RSBN1L: variants seen among roughly 807,000 people sequenced by gnomAD.
The protein encoded by RSBN1L is round spermatid basic protein 1 like, also known as lysine-specific demethylase RSBN1L.
Under a neutral mutation model 67.7 loss-of-function variants are expected in RSBN1L, and 30 were observed. That is an observed-to-expected ratio of 0.44 (90% confidence interval 0.33 to 0.60). The LOEUF (loss-of-function observed/expected upper bound fraction) is 0.60, where lower values mean the gene tolerates loss of function less well. Among genes scored for constraint, RSBN1L ranks in the 20% least tolerant of loss-of-function variants. The pLI is 0.02. For missense variants in RSBN1L, 992 were observed against 1,031.7 expected, an observed-to-expected ratio of 0.96 and a Z score of 0.53; for synonymous variants, 433 against 387.0, an observed-to-expected ratio of 1.12 and a Z score of -1.39.
intron 1 of RSBN1L, among the ~76,000 whole-genome samples, chr7:77,697,652 TTAAG>T (rs983292457): frequency 6.6e-6 from 1 of 152,172 alleles, no homozygotes; most frequent in African/African-American, 2.4e-5. Context: ...CTGCGTATTC[TTAAG>T]TGTTTTGGGT....
At chr7:77,734,899 A>C (rs2150420429) in intron 1 of RSBN1L, among the ~76,000 whole-genome samples, 1 of 152,296 alleles carries the variant, frequency 6.6e-6, no homozygotes, top group African/African-American at 2.4e-5. Flanking sequence ...CTGTAATCTA[A>C]TTCAGAAGTT....
At chr7:77,754,901 T>G (rs981350345) in intron 3 of RSBN1L, among the ~76,000 whole-genome samples, 9 of 152,142 alleles carry the variant, frequency 5.9e-5, no homozygotes, top group Admixed American at 2.6e-4. Flanking sequence ...AACAAAAGTT[T>G]AGTAATTAGG....
intron 5 of RSBN1L, among the ~76,000 whole-genome samples, chr7:77,772,139 G>A (rs1791857922): frequency 6.6e-6 from 1 of 152,070 alleles, no homozygotes; most frequent in South Asian, 2.1e-4. Flanking sequence ...CTGGCATTGT[G>A]ACACATGTAG....
intron 1 of RSBN1L, among the ~76,000 whole-genome samples, chr7:77,719,796 A>G (rs1321053258): frequency 3.9e-5 from 6 of 152,180 alleles, no homozygotes; most frequent in Non-Finnish European, 7.3e-5. Flanking sequence ...ACAAGGTCTC[A>G]CTCTGTTGCT....
chr7:77,742,508 C>T (rs1161309094), intron 2 of RSBN1L, among the ~76,000 whole-genome samples: 2 of 152,048 alleles, frequency 1.3e-5, no homozygotes, highest in Non-Finnish European at 2.9e-5. Context: ...AACTAAAATT[C>T]CAGACTCCCA....
chr7:77,751,149 T>C (rs1273403353), intron 3 of RSBN1L, among the ~76,000 whole-genome samples: 1 of 121,742 alleles, frequency 8.2e-6, no homozygotes, highest in African/African-American at 3.3e-5. Flanking sequence ...AATAATGTGG[T>C]GTTTTTTTGT....
chr7:77,727,200 G>T (rs1791215934), intron 1 of RSBN1L, among the ~76,000 whole-genome samples: 2 of 151,534 alleles, frequency 1.3e-5, no homozygotes, highest in African/African-American at 4.9e-5. Flanking sequence ...CGATTCTCCT[G>T]CCTCAGCCTC....
chr7:77,736,683 T>C (rs1023500842), intron 2 of RSBN1L, among the ~76,000 whole-genome samples, 157 bp downstream of exon 2: 2 of 152,182 alleles, frequency 1.3e-5, no homozygotes, highest in African/African-American at 2.4e-5. Flanking sequence ...CGGAGAGTTC[T>C]AATCTGTATG....
chr7:77,757,967 T>C (rs1384584453), intron 3 of RSBN1L, among the ~76,000 whole-genome samples: 1 of 151,116 alleles, frequency 6.6e-6, no homozygotes, highest in Admixed American at 6.6e-5. Flanking sequence ...TTATTCATTT[T>C]ACTTTAATTT....
chr7:77,740,559 C>G (rs1355966079), intron 2 of RSBN1L, among the ~76,000 whole-genome samples: 1 of 151,932 alleles, frequency 6.6e-6, no homozygotes, highest in Non-Finnish European at 1.5e-5. Context: ...CTAATTAGTA[C>G]TTTTTTCCTA....
chr7:77,737,821 G>C (rs1791356998), intron 2 of RSBN1L, among the ~76,000 whole-genome samples: 2 of 152,054 alleles, frequency 1.3e-5, no homozygotes, highest in African/African-American at 2.4e-5. Context: ...TCAGGAGTTT[G>C]AGACCAGCCT....
intron 1 of RSBN1L, among the ~76,000 whole-genome samples, chr7:77,722,415 T>C (rs1197152144): frequency 6.6e-6 from 1 of 152,088 alleles, no homozygotes; most frequent in Non-Finnish European, 1.5e-5. Flanking sequence ...ACAGTTTCAG[T>C]GAAACTTAGG....
chr7:77,762,897 TA>T, intron 3 of RSBN1L, among the ~76,000 whole-genome samples: 1 of 152,292 alleles, frequency 6.6e-6, no homozygotes, highest in East Asian at 1.9e-4. Context: ...TTGTGCTTCG[TA>T]TTTTAGAAGA....
chr7:77,735,087 T>C (rs1206805636), intron 1 of RSBN1L, among the ~76,000 whole-genome samples: 1 of 152,072 alleles, frequency 6.6e-6, no homozygotes, highest in Non-Finnish European at 1.5e-5. Flanking sequence ...TTGTCAGTGT[T>C]ATAGGTGAAA....
At chr7:77,751,940 C>G (rs1309467771) in intron 3 of RSBN1L, among the ~76,000 whole-genome samples, 2 of 152,148 alleles carry the variant, frequency 1.3e-5, no homozygotes, top group African/African-American at 4.8e-5. Context: ...CTTCAGTAAC[C>G]TTTTAAATGT....
chr7:77,741,515 C>G (rs1053747598), intron 2 of RSBN1L, among the ~76,000 whole-genome samples: 16 of 151,284 alleles, frequency 1.1e-4, no homozygotes, highest in African/African-American at 3.9e-4. Flanking sequence ...TGTGGTGAAA[C>G]CCTGTCTCTA....
At position 77,696,913 on chromosome 7, in the gene RSBN1L, CGCCGCT is replaced by C. The variant is rs763031132; in HGVS notation, c.448_453del (p.Ala150_Ala151del). 70 of 1,604,262 alleles carry C rather than the reference CGCCGCT, an allele frequency of 4.4e-5. No individual in the cohort carries two copies. In the East Asian group the frequency reaches 1.5e-3, roughly 35 times the overall value. On this transcript the variant is annotated inframe_deletion, in exon 1 of 8. Coordinates refer to ENST00000334955, the MANE Select transcript of RSBN1L (RefSeq NM_198467.3). Reference sequence around the variant, plus strand: ...ACCATCTCCTCCTGCCCGCCGCCGCCGCCGCTGCCTCGGCTAACGCCAAGTCGCGCA... The same window carrying C: ...ACCATCTCCTCCTGCCCGCCGCCGCCGCCTCGGCTAACGCCAAGTCGCGCA...
intron 1 of RSBN1L, among the ~76,000 whole-genome samples, chr7:77,736,071 A>G (rs1309944181): frequency 1.3e-5 from 2 of 152,152 alleles, no homozygotes; most frequent in Non-Finnish European, 1.5e-5. Context: ...TAGATGCTCA[A>G]TTTCAACACT....
chr7:77,769,343 A>AT, intron 5 of RSBN1L, among the ~76,000 whole-genome samples: 1 of 152,336 alleles, frequency 6.6e-6, no homozygotes, highest in East Asian at 1.9e-4. Context: ...GATCATTGGA[A>AT]TAAGAGTCCA....
Sources: allele counts gnomAD v4.1 joint callset (sites outside exome capture counted in the v4.1 genomes callset), GRCh38; gene constraint gnomAD v4.1.1; transcripts MANE v1.5; gene names NCBI Gene and HGNC (gene_info 2026-07-23, HGNC 2026-07-21).